COL4A3: variants seen among roughly 807,000 people sequenced by gnomAD.
COL4A3 encodes collagen alpha-3(IV) chain.
Under a neutral mutation model 217.4 loss-of-function variants are expected in COL4A3, and 135 were observed. The observed-to-expected ratio is 0.62, with a 90% confidence interval of 0.54 to 0.72. The LOEUF (loss-of-function observed/expected upper bound fraction) is 0.72, where lower values mean the gene tolerates loss of function less well. Among genes scored for constraint, COL4A3 ranks in the 30% least tolerant of loss-of-function variants. The pLI is 0.00. For synonymous variants in COL4A3, 690 were observed against 736.3 expected (o/e 0.94, Z 1.02); for missense variants, 1,868 against 2,119.9 (o/e 0.88, Z 2.33).
At chr2:227,234,026 G>C (rs2068553402) in intron 1 of COL4A3, among the ~76,000 whole-genome samples, 1 of 152,218 alleles carries the variant, frequency 6.6e-6, no homozygotes, top group Admixed American at 6.5e-5. Context: ...CTGGTATCCT[G>C]AAGTTACTGT....
intron 31 of COL4A3, among the ~76,000 whole-genome samples, chr2:227,281,303 TATTAA>T (rs1181364300): frequency 6.6e-6 from 1 of 152,210 alleles, no homozygotes; most frequent in African/African-American, 2.4e-5. Context: ...TTTATATACA[TATTAA>T]ATTCTCAGAA....
intron 43 of COL4A3, 29 bp from the exon 44 acceptor site, chr2:227,303,009 T>C (rs992932520): frequency 6.6e-6 from 10 of 1,526,128 alleles, no homozygotes; most frequent in Non-Finnish European, 9.1e-6. Flanking sequence ...AAATTTGTTT[T>C]GGTTCTGCTC....
At chr2:227,291,334 C>G (rs1574807387) in intron 37 of COL4A3, among the ~76,000 whole-genome samples, 1 of 152,002 alleles carries the variant, frequency 6.6e-6, no homozygotes, top group East Asian at 1.9e-4. Flanking sequence ...GAGGCCGAGA[C>G]GGGCGGATCA....
At chr2:227,265,970 A>G (rs140113802) in intron 21 of COL4A3, 12 of 167,190 alleles carry the variant, frequency 7.2e-5, no homozygotes, top group African/African-American at 2.6e-4. Context: ...TTATAAAACC[A>G]TCAGATCTCA....
chr2:227,255,555 G>A (rs190624996), intron 15 of COL4A3, among the ~76,000 whole-genome samples: 3 of 152,158 alleles, frequency 2.0e-5, no homozygotes, highest in East Asian at 1.9e-4. Flanking sequence ...CCAAACTGCC[G>A]GTTGAGATAC....
At chr2:227,275,379 C>T (rs2071496708) in intron 26 of COL4A3, among the ~76,000 whole-genome samples, 1 of 152,090 alleles carries the variant, frequency 6.6e-6, no homozygotes, top group African/African-American at 2.4e-5. Context: ...CGGGGTTTTA[C>T]TATGTTGGCC....
Position 227,171,487 on chromosome 2 carries a change from G to A in COL4A3, c.87+6674G>A, listed in dbSNP as rs548182360. Among the ~76,000 whole-genome samples the A allele has an allele frequency of 5.9e-5, 9 of 152,162 alleles. No individual in the cohort carries two copies. In the South Asian group the frequency reaches 1.5e-3, roughly 25 times the overall value. On this transcript the variant is annotated intron_variant, in intron 1 of 51. Coordinates refer to ENST00000396578, the MANE Select transcript of COL4A3 (RefSeq NM_000091.5). ...AAAGTTGAGGTGTTAAATAACTGACGTGTATGATGGAACAAAATCCACATG... is the reference window on the plus strand; with the variant it reads ...AAAGTTGAGGTGTTAAATAACTGACATGTATGATGGAACAAAATCCACATG...
At chr2:227,281,490 T>C (rs2071961652) in intron 31 of COL4A3, among the ~76,000 whole-genome samples, 2 of 152,214 alleles carry the variant, frequency 1.3e-5, no homozygotes, top group Non-Finnish European at 2.9e-5. Flanking sequence ...TAAATCTAAA[T>C]GATGCAGGCT....
At chr2:227,232,122 G>A (rs988861620) in intron 1 of COL4A3, among the ~76,000 whole-genome samples, 3 of 152,110 alleles carry the variant, frequency 2.0e-5, no homozygotes, top group East Asian at 1.9e-4. Flanking sequence ...CATCCATGTC[G>A]TTGCAAATGA....
chr2:227,180,242 G>A (rs975693859), intron 1 of COL4A3, among the ~76,000 whole-genome samples: 4 of 152,254 alleles, frequency 2.6e-5, no homozygotes, highest in South Asian at 2.1e-4. Flanking sequence ...TGAGAACAGG[G>A]CAGCCTCTGA....
At position 227,254,688 on chromosome 2, in the gene COL4A3, G is replaced by A. The variant is rs770078281; in HGVS notation, c.861G>A (p.Lys287=). The A allele has an allele frequency of 1.1e-5, 17 of 1,613,500 alleles. No homozygotes were observed. The highest frequency in any genetic ancestry group is 1.4e-5 in the Non-Finnish European group (17 of 1,179,598). The stretch of plus-strand genomic sequence containing the variant: ...CTGGAGAATCATATGGATCTGAAAA[G>A]GGTGCTCCTGGAGACCCTGGCCTGC... ...GLPGESYGSE[K]GAPGDPGLQG... Residue 287 remains lysine, a synonymous_variant, in exon 15 of 52, where the codon AAG becomes AAA. Coordinates refer to ENST00000396578, the MANE Select transcript of COL4A3 (RefSeq NM_000091.5).
chr2:227,286,087 C>T lies in COL4A3; in HGVS notation c.2881+1742C>T, dbSNP rs554839809. ...TATGTAGAAAAAGATAATAAAGACG[C>T]GAGGTGCAAATTAGCATGCTATATT... On this transcript the variant is annotated intron_variant, in intron 34 of 51. Coordinates refer to ENST00000396578, the MANE Select transcript of COL4A3 (RefSeq NM_000091.5). Among the ~76,000 whole-genome samples the T allele has an allele frequency of 5.9e-5, 9 of 152,270 alleles. No individual in the cohort carries two copies. The South Asian group carries it at 1.4e-3, about 25-fold the overall frequency.
At chr2:227,206,448 C>T (rs1014572071) in intron 1 of COL4A3, among the ~76,000 whole-genome samples, 2 of 152,028 alleles carry the variant, frequency 1.3e-5, no homozygotes, top group Non-Finnish European at 2.9e-5. Flanking sequence ...TTCTGAAGAT[C>T]GAATGAGATT....
intron 8 of COL4A3, among the ~76,000 whole-genome samples, 160 bp downstream of exon 8, chr2:227,247,744 A>G (rs1191809791): frequency 6.6e-6 from 1 of 152,142 alleles, no homozygotes; most frequent in Non-Finnish European, 1.5e-5. Context: ...ATTTATTCCT[A>G]TTAAATAGCT....
intron 41 of COL4A3, among the ~76,000 whole-genome samples, chr2:227,296,733 TA>T (rs937179680): frequency 4.8e-4 from 73 of 152,338 alleles, no homozygotes; most frequent in African/African-American, 1.7e-3. Context: ...TTACAGGCAT[TA>T]AAAAGCTAAA....
At chr2:227,196,505 G>C (rs1208970658) in intron 1 of COL4A3, among the ~76,000 whole-genome samples, 2 of 151,678 alleles carry the variant, frequency 1.3e-5, no homozygotes, top group African/African-American at 2.4e-5. Flanking sequence ...TTTTAGTAGA[G>C]ACAGGGTTTC....
At chr2:227,170,428 G>A (rs199511913) in intron 1 of COL4A3, among the ~76,000 whole-genome samples, 1 of 151,930 alleles carries the variant, frequency 6.6e-6, no homozygotes, top group East Asian at 1.9e-4. Context: ...ACGTGGCTGG[G>A]GAGGCCTCAC....
At position 227,298,393 on chromosome 2, in the gene COL4A3, A is replaced by T. The variant is rs187405725; in HGVS notation, c.3752-289A>T. On this transcript the variant is annotated intron_variant, in intron 42 of 51. Coordinates refer to ENST00000396578, the MANE Select transcript of COL4A3 (RefSeq NM_000091.5). ...TAAAAGACAGTGATGCATTCATTCA[A>T]CTCTATTTGTTGAATCCCTAGAGCT... 1.4e-4 allele frequency among the ~76,000 whole-genome samples: 22 copies of T among 152,124 alleles called. 1 individual carries two copies. In the East Asian group the frequency reaches 3.1e-3, roughly 21 times the overall value.
chr2:227,256,579 C>A (rs2070192071), intron 17 of COL4A3, 183 bp downstream of exon 17: 2 of 759,844 alleles, frequency 2.6e-6, no homozygotes, highest in South Asian at 2.7e-5. Flanking sequence ...GAAGGGTGTT[C>A]TTGAGGAAAA....
Sources: gnomAD v4.1 joint callset for allele counts (sites outside exome capture counted in the v4.1 genomes callset) on GRCh38, gnomAD v4.1.1 for gene constraint, MANE v1.5 for transcripts, NCBI Gene and HGNC (gene_info 2026-07-23, HGNC 2026-07-21) for gene names.